EYA2: variants seen among roughly 807,000 people sequenced by gnomAD.
EYA2 encodes the protein protein phosphatase EYA2.
Under a neutral mutation model 69.2 loss-of-function variants are expected in EYA2, and 31 were observed. That is an observed-to-expected ratio of 0.45 (90% CI 0.34 to 0.60). EYA2 has a LOEUF of 0.60. Ranked by LOEUF, EYA2 falls within the 20% of genes least tolerant of loss-of-function variation. The probability of loss-of-function intolerance (pLI) is 0.02; values close to 1 mark genes in which losing one functional copy is unlikely to be tolerated. For synonymous variants in EYA2, 257 were observed against 279.4 expected, an observed-to-expected ratio of 0.92 and a Z score of 0.80; for missense variants, 622 against 701.2, an observed-to-expected ratio of 0.89 and a Z score of 1.28.
At chr20:47,086,544 G>C (rs2031899325) in intron 7 of EYA2, among the ~76,000 whole-genome samples, 1 of 152,128 alleles carries the variant, frequency 6.6e-6, no homozygotes, top group Non-Finnish European at 1.5e-5. Flanking sequence ...GGGGGTCAGG[G>C]GAGGTGCCAC....
At chr20:47,183,676 T>TG (rs1388273372) in intron 15 of EYA2, among the ~76,000 whole-genome samples, 2 of 152,126 alleles carry the variant, frequency 1.3e-5, no homozygotes, top group Non-Finnish European at 2.9e-5. Context: ...GGCAGGCTGG[T>TG]GGGGGGCCAG....
chr20:47,098,325 G>A (rs1031941577), intron 9 of EYA2, among the ~76,000 whole-genome samples: 12 of 152,140 alleles, frequency 7.9e-5, no homozygotes, highest in African/African-American at 2.7e-4. Flanking sequence ...CAAAAATTTG[G>A]GCTATCCCAA....
intron 1 of EYA2, among the ~76,000 whole-genome samples, chr20:46,919,280 A>G (rs2146235408): frequency 6.6e-6 from 1 of 152,322 alleles, no homozygotes; most frequent in African/African-American, 2.4e-5. Flanking sequence ...TCAACCATTG[A>G]CTTCTCCTCT....
chr20:46,945,079 G>T (rs1978372286), intron 1 of EYA2, among the ~76,000 whole-genome samples: 1 of 151,694 alleles, frequency 6.6e-6, no homozygotes, highest in East Asian at 1.9e-4. Context: ...ACTCCAGCCT[G>T]AGTGACAGTC....
At chr20:47,107,912 A>T (rs1021071856) in intron 9 of EYA2, among the ~76,000 whole-genome samples, 6 of 152,074 alleles carry the variant, frequency 3.9e-5, no homozygotes. Flanking sequence ...CCACACAGAG[A>T]AGCTAAATTT....
intron 5 of EYA2, among the ~76,000 whole-genome samples, chr20:47,055,251 G>A (rs1471428043): frequency 6.6e-6 from 1 of 152,208 alleles, no homozygotes; most frequent in African/African-American, 2.4e-5. Context: ...GACTGTATCA[G>A]TGAAAATCTC....
At chr20:47,173,530 AAAC>A (rs1440696593) in intron 12 of EYA2, among the ~76,000 whole-genome samples, 74 of 149,394 alleles carry the variant, frequency 5.0e-4, no homozygotes, top group African/African-American at 1.7e-3. Flanking sequence ...AAAAAAAAAA[AAAC>A]GTGCAGGGTC....
intron 4 of EYA2, among the ~76,000 whole-genome samples, chr20:47,010,524 G>A (rs968647653): frequency 6.6e-6 from 1 of 152,158 alleles, no homozygotes; most frequent in Non-Finnish European, 1.5e-5. Flanking sequence ...AGCTACTAGA[G>A]AGGCTGAGGT....
At chr20:46,901,614 A>G (rs1030008268) in intron 1 of EYA2, 4 of 152,198 alleles carry the variant, frequency 2.6e-5, no homozygotes, top group Non-Finnish European at 5.9e-5. Flanking sequence ...TTATTTGCAC[A>G]TATCAGGACT....
Position 46,990,003 on chromosome 20 carries a change from A to C in EYA2, c.-8A>C. ...TATTTCCCTTTGTTTTCTTTCAGGT[A>C]CAAGGAAATGGTAGAACTAGTGATC... On this transcript the variant is annotated splice_region_variant and 5_prime_UTR_variant, in exon 2 of 16. Transcript: ENST00000327619. The C allele has an allele frequency of 6.8e-7, 1 of 1,481,412 alleles. No homozygotes were observed. Among genetic ancestry groups the C allele is most frequent in the Non-Finnish European group, 9.4e-7 (1 of 1,059,380 alleles). 91.8% of individuals were successfully genotyped at this position (1,481,412 alleles called of 1,614,324 possible).
chr20:47,040,891 A>G (rs1985026348), intron 5 of EYA2, among the ~76,000 whole-genome samples: 1 of 152,204 alleles, frequency 6.6e-6, no homozygotes. Context: ...CTTAGGGCTT[A>G]TGTAGCCAGC....
intron 8 of EYA2, chr20:47,095,888 C>T (rs1415014831): frequency 2.0e-5 from 3 of 152,128 alleles, no homozygotes; most frequent in Non-Finnish European, 4.4e-5. Context: ...ATCCAGAAAA[C>T]AGTGGATCCA....
intron 1 of EYA2, among the ~76,000 whole-genome samples, chr20:46,963,511 T>G (rs538580481): frequency 6.6e-6 from 1 of 152,190 alleles, no homozygotes; most frequent in Non-Finnish European, 1.5e-5. Context: ...TGAGCTAACT[T>G]TAGATGGTCT....
chr20:47,161,338 T>C (rs922032853), intron 10 of EYA2: 2 of 480,656 alleles, frequency 4.2e-6, no homozygotes, highest in African/African-American at 2.0e-5. Context: ...TAGTCACCGA[T>C]GACAATAAAT....
intron 1 of EYA2, among the ~76,000 whole-genome samples, chr20:46,971,588 T>C (rs966545918): frequency 3.3e-5 from 5 of 152,198 alleles, no homozygotes; most frequent in Non-Finnish European, 5.9e-5. Flanking sequence ...ATCAGTTGTT[T>C]GTAGAAGAGA....
chr20:47,095,815 A>G (rs2032230543), intron 8 of EYA2: 1 of 152,328 alleles, frequency 6.6e-6, no homozygotes, highest in Admixed American at 6.5e-5. Flanking sequence ...CCATTTCAGG[A>G]AAAGCAACTT....
intron 5 of EYA2, among the ~76,000 whole-genome samples, chr20:47,071,287 T>C (rs560791801): frequency 6.6e-6 from 1 of 151,754 alleles, no homozygotes; most frequent in East Asian, 1.9e-4. Context: ...GGATTACAGG[T>C]GTGAGCCACT....
intron 9 of EYA2, among the ~76,000 whole-genome samples, chr20:47,134,209 G>A (rs2033406292): frequency 6.6e-6 from 1 of 152,160 alleles, no homozygotes; most frequent in Admixed American, 6.5e-5. Context: ...TTCCACAGAG[G>A]GGACAGCACA....
At chr20:46,979,757 A>G (rs1234948950) in intron 1 of EYA2, 2 of 152,188 alleles carry the variant, frequency 1.3e-5, no homozygotes, top group Non-Finnish European at 2.9e-5. Flanking sequence ...TCCTGATGAC[A>G]GTTTCCAGTG....
Sources: allele counts gnomAD v4.1 joint callset (sites outside exome capture counted in the v4.1 genomes callset), GRCh38; gene constraint gnomAD v4.1.1; transcripts MANE v1.5; gene names NCBI Gene and HGNC (gene_info 2026-07-23, HGNC 2026-07-21).